Variants in MATN4 observed in about 807,000 individuals in gnomAD.
The protein encoded by MATN4 is matrilin-4.
In MATN4, 40 loss-of-function variants were observed where a neutral mutation model predicts 54.6. The ratio of observed to expected loss-of-function variants is 0.73; its 90% CI spans 0.57 to 0.95. The LOEUF (loss-of-function observed/expected upper bound fraction) is 0.95, where lower values mean the gene tolerates loss of function less well. MATN4 is among the 40% of genes least tolerant of loss of function. The pLI, the probability that MATN4 is intolerant of heterozygous loss-of-function variation, is 0.00. For missense variants in MATN4, 810 were observed against 819.1 expected (o/e 0.99, Z 0.13); for synonymous variants, 351 against 345.3 (o/e 1.02, Z -0.18).
chr20:45,306,561 G>A (rs1329625258), intron 1 of MATN4, among the ~76,000 whole-genome samples: 1 of 152,218 alleles, frequency 6.6e-6, no homozygotes, highest in Admixed American at 6.5e-5. Context: ...CTGCCCAACC[G>A]CAGGCGGCAG....
rs1265297849 is a variant in MATN4 at position 45,298,425 on chromosome 20, T to G, written c.1171A>C (p.Ser391Arg). Residue 391 changes from serine to arginine, a missense_variant, in exon 7 of 10, where the codon AGC (serine) becomes CGC (arginine). Coordinates refer to ENST00000372756, the MANE Select transcript of MATN4 (RefSeq NM_001393530.1). This position sits in a 1 kb window ranked among gnomAD's most constrained non-coding sequence, Gnocchi z 4.6. ...AGAGGGAACTCGGTGCGCACGCGGC[T>G]CGAGAACTGCACCAGCCCCACCCGC... The part of the protein sequence containing the change: ...GTRVGLVQFS[S>R]RVRTEFPLGR... 1 of 1,613,300 alleles carries G rather than the reference T, an allele frequency of 6.2e-7. No homozygotes were observed. The highest frequency in any genetic ancestry group is 1.7e-5 in the Admixed American group (1 of 60,008).
In MATN4 at chr20:45,303,082, CAAAAAAAAAA is replaced by C. The variant is rs79635257; in HGVS notation, c.643+1136_643+1145del. ...TGGGCAATAGAGCCAGACTCTGTCT[CAAAAAAAAAA>C]AAAAAAAAAAAAGAGAGAGAGAAAA... On this transcript the variant is annotated intron_variant, in intron 3 of 9. Transcript: ENST00000372756. Among the ~76,000 whole-genome samples, 8 of 82,928 alleles carry C rather than the reference CAAAAAAAAAA, an allele frequency of 9.6e-5. No homozygotes were observed. In the South Asian group the frequency reaches 2.2e-3, roughly 23 times the overall value. The allele number at this position is 82,928 out of a possible 152,430, so 54.4% of individuals were successfully genotyped here.
chr20:45,300,435 A>T (rs1986149934), intron 6 of MATN4, among the ~76,000 whole-genome samples: 1 of 152,210 alleles, frequency 6.6e-6, no homozygotes, highest in Admixed American at 6.5e-5. Flanking sequence ...ACATCATGAG[A>T]CATTTCACAC....
chr20:45,304,472 C>A lies in MATN4; in HGVS notation c.399G>T (p.Pro133=), dbSNP rs1213455579. The change falls in exon 3 of 10, where the codon CCG becomes CCT. Residue 133 remains proline (P), a synonymous_variant. Coordinates refer to ENST00000372756, the MANE Select transcript of MATN4 (RefSeq NM_001393530.1). ...VAFSVAEGAR[P]PEERVPRVAV... is the part of the protein sequence containing the mutation. Reference sequence around the variant, plus strand: ...CGACACGCGGCACGCGCTCCTCTGGCGGTCGCGCGCCCTCGGCCACACTGA... The same window carrying A: ...CGACACGCGGCACGCGCTCCTCTGGAGGTCGCGCGCCCTCGGCCACACTGA... 1.3e-6 allele frequency: 2 copies of A among 1,567,216 alleles called. No homozygotes were observed. Among genetic ancestry groups the A allele is most frequent in the African/African-American group, 1.3e-5 (1 of 74,122 alleles).
chr20:45,297,542 C>T (rs758308189), intron 8 of MATN4, among the ~76,000 whole-genome samples: 1 of 152,132 alleles, frequency 6.6e-6, no homozygotes, highest in Non-Finnish European at 1.5e-5. Flanking sequence ...TGCTGTGGCT[C>T]CACTTACAAA....
chr20:45,293,696 G>A lies in MATN4; in HGVS notation c.*71C>T. On this transcript the variant is annotated 3_prime_UTR_variant, in exon 10 of 10. Transcript: ENST00000372756. ...GGCCCAGGTTCTGCCTGGCCCCGGC[G>A]CACCGATGGCGCGCAAGGGGCACCG... 4 of 1,409,670 alleles carry A rather than the reference G, an allele frequency of 2.8e-6. No homozygotes were observed. The highest frequency in any genetic ancestry group is 2.7e-5 in the South Asian group (2 of 75,216). 87.3% of individuals were successfully genotyped at this position (1,409,670 alleles called of 1,614,324 possible). A position where few individuals can be genotyped will look rare whatever the true frequency, so the allele number is the denominator to read the frequency against.
intron 8 of MATN4, among the ~76,000 whole-genome samples, chr20:45,297,374 T>C (rs1370358198): frequency 6.6e-6 from 1 of 152,078 alleles, no homozygotes; most frequent in African/African-American, 2.4e-5. Context: ...AGTCTCTTTT[T>C]CCTCAGCTGA....
Position 45,305,805 on chromosome 20 carries a change from C to CTTTTTTTTTTTTTTTTTTTTTTTTTT in MATN4, c.-34-190_-34-189insAAAAAAAAAAAAAAAAAAAAAAAAAA, listed in dbSNP as rs758735302. 3.6e-3 allele frequency among the ~76,000 whole-genome samples: 233 copies of CTTTTTTTTTTTTTTTTTTTTTTTTTT among 64,680 alleles called. 89 individuals are homozygous for CTTTTTTTTTTTTTTTTTTTTTTTTTT. Among genetic ancestry groups the CTTTTTTTTTTTTTTTTTTTTTTTTTT allele is most frequent in the East Asian group, 0.034 (37 of 1,088 alleles). 42.4% of individuals were successfully genotyped at this position (64,680 alleles called of 152,430 possible). Reference sequence around the variant, plus strand: ...GGATTGCTGGGAAACACAAGAGATTCTTTTTTTTTTTTTTTTTAGATAGAG... The same window carrying CTTTTTTTTTTTTTTTTTTTTTTTTTT: ...GGATTGCTGGGAAACACAAGAGATTCTTTTTTTTTTTTTTTTTTTTTTTTTTTTTTTTTTTTTTTTTTTAGATAGAG... On this transcript the variant is annotated intron_variant, in intron 1 of 9. Transcript: ENST00000372756.
rs913195537 is a variant in MATN4 at position 45,297,578 on chromosome 20, A to T, written c.1579+340T>A. On this transcript the variant is annotated intron_variant, in intron 8 of 9. Transcript: ENST00000372756. ...TGCTGTCTGGTGTGCCTTCAAAAAA[A>T]TTTCCCAAATTATTCTGAACCTCCA... is the stretch of plus-strand genomic sequence containing the variant. Among the ~76,000 whole-genome samples, 12 of 152,194 alleles carry T rather than the reference A, an allele frequency of 7.9e-5. 1 individual carries two copies. The South Asian group carries it at 2.1e-3, about 26-fold the overall frequency.
At chr20:45,299,071 TAA>T (rs1339837302) in intron 6 of MATN4, among the ~76,000 whole-genome samples, 1 of 152,128 alleles carries the variant, frequency 6.6e-6, no homozygotes, top group Non-Finnish European at 1.5e-5. Context: ...TTCTGATGGA[TAA>T]AGTGATTGCC....
At position 45,298,768 on chromosome 20, in the gene MATN4, C is replaced by T. The variant is rs1225513292; in HGVS notation, c.1013-185G>A. Among the ~76,000 whole-genome samples, 1 of 152,200 alleles carries T rather than the reference C, an allele frequency of 6.6e-6. No homozygotes were observed. The highest frequency in any genetic ancestry group is 1.5e-5 in the Non-Finnish European group (1 of 68,040). On this transcript the variant is annotated intron_variant, in intron 6 of 9. Transcript: ENST00000372756. The surrounding 1 kb of genome is among the most constrained non-coding windows in gnomAD (Gnocchi z 4.6). Reference sequence around the variant, plus strand: ...CCATCATCATCACCATCACCATCATCATCACCCTCATCATCGCCCTTGACA... The same window carrying T: ...CCATCATCATCACCATCACCATCATTATCACCCTCATCATCGCCCTTGACA...
chr20:45,301,164 C>T lies in MATN4; in HGVS notation c.827G>A (p.Gly276Asp), dbSNP rs770649505. ...CTCTCTGCAGTGGCACCGTGGCCCACCAGGGGTGCTAACACACTCATGCTG... is the reference window on the plus strand; with the variant it reads ...CTCTCTGCAGTGGCACCGTGGCCCATCAGGGGTGCTAACACACTCATGCTG... The part of the protein sequence containing the change: ...SCQHECVSTP[G>D]GPRCHCREGH... The change falls in exon 5 of 10, where the codon GGT (glycine) becomes GAT (aspartate). Residue 276 changes from glycine to aspartate, a missense_variant. By Grantham distance (94) the Gly-to-Asp change is moderately conservative (BLOSUM62 -1). Transcript: ENST00000372756. 2.5e-6 allele frequency: 4 copies of T among 1,614,224 alleles called. No individual in the cohort carries two copies. The highest frequency in any genetic ancestry group is 3.4e-6 in the Non-Finnish European group (4 of 1,180,038).
rs1235306946 is a variant in MATN4, at chr20:45,304,573, C to T, written c.298G>A (p.Ala100Thr). The T allele has an allele frequency of 3.1e-6, 5 of 1,598,422 alleles. No homozygotes were observed. In the South Asian group the frequency reaches 3.3e-5, roughly 11 times the overall value. Residue 100 changes from alanine to threonine, a missense_variant, in exon 3 of 10, where the codon GCC becomes ACC. Physicochemically the swap from Ala to Thr is moderately conservative, Grantham distance 58 (BLOSUM62 0). Transcript: ENST00000372756. ...GCCAGAGGCACCAGGTCGCGGATGG[C>T]GCGCTCCATGTCCTCGCGGCGAGAG... Reference protein sequence around the residue: ...AFSRREDMERAIRDLVPLAQG... With the variant: ...AFSRREDMERTIRDLVPLAQG...
rs577157572 is a variant in MATN4 at position 45,306,791 on chromosome 20, T to C, written c.-34-1175A>G. 1.3e-4 allele frequency: 91 copies of C among 681,506 alleles called. No homozygotes were observed. In the African/African-American group the frequency reaches 1.5e-3, roughly 11 times the overall value. The allele number at this position is 681,506 out of a possible 1,614,324, so 42.2% of individuals were successfully genotyped here. ...AACAGGGGGCCGGGGCCCGGGGCCT[T>C]GGAGATAAGGCCTGGACAGGATATA... is the stretch of plus-strand genomic sequence containing the variant. On this transcript the variant is annotated intron_variant, in intron 1 of 9. Coordinates refer to ENST00000372756, the MANE Select transcript of MATN4 (RefSeq NM_001393530.1).
chr20:45,298,572 C>A lies in MATN4; in HGVS notation c.1024G>T (p.Gly342Cys), dbSNP rs1482455435. 1.3e-6 allele frequency: 2 copies of A among 1,553,312 alleles called. No homozygotes were observed. Among genetic ancestry groups the A allele is most frequent in the East Asian group, 2.3e-5 (1 of 43,990 alleles). Residue 342 changes from glycine (G) to cysteine (C), a missense_variant, in exon 7 of 10, where the codon GGC (glycine) becomes TGC (cysteine). Transcript: ENST00000372756. The surrounding 1 kb of genome is among the most constrained non-coding windows in gnomAD (Gnocchi z 4.6). ...DGKSCNRCRE[G>C]HVDLVLLVDG... ...ACCAGCAGAACAAGGTCCACGTGGCCTTCCCGGCACCCTGCACAGCCAGAA... is the reference window on the plus strand; with the variant it reads ...ACCAGCAGAACAAGGTCCACGTGGCATTCCCGGCACCCTGCACAGCCAGAA...
intron 6 of MATN4, among the ~76,000 whole-genome samples, chr20:45,299,270 A>G (rs1394960992): frequency 6.6e-6 from 1 of 152,124 alleles, no homozygotes; most frequent in African/African-American, 2.4e-5. Context: ...TAATTAAAAC[A>G]TAATCCTGTT....
At position 45,293,520 on chromosome 20, in the gene MATN4, C is replaced by A; in HGVS notation, c.*247G>T. The stretch of plus-strand genomic sequence containing the variant: ...CCAACAAAGAACTGAGCGCAGCACG[C>A]GGCGAGGGCGTGCCGGTCTAGCACG... On this transcript the variant is annotated 3_prime_UTR_variant, in exon 10 of 10. Transcript: ENST00000372756. The A allele has an allele frequency of 2.1e-6, 1 of 467,484 alleles. No individual in the cohort carries two copies. Among genetic ancestry groups the A allele is most frequent in the South Asian group, 4.1e-5 (1 of 24,234 alleles). The allele number at this position is 467,484 out of a possible 1,614,324, so 29.0% of individuals were successfully genotyped here.
chr20:45,296,510 T>A lies in MATN4; in HGVS notation c.1579+1408A>T, dbSNP rs115801035. Among the ~76,000 whole-genome samples, 492 of 152,210 alleles carry A rather than the reference T, an allele frequency of 3.2e-3. 2 individuals carry two copies. Among genetic ancestry groups the A allele is most frequent in the African/African-American group, 0.011 (475 of 41,532 alleles). ...AGACAGGGAACAGTCATACCACCAA[T>A]TGATAAAGAGCTTCAACCACAAAAC... is the stretch of plus-strand genomic sequence containing the variant. On this transcript the variant is annotated intron_variant, in intron 8 of 9. Transcript: ENST00000372756.
chr20:45,297,874 C>T (rs569726567), intron 8 of MATN4, 44 bp downstream of exon 8: 1 of 1,607,242 alleles, frequency 6.2e-7, no homozygotes, highest in South Asian at 1.1e-5. Flanking sequence ...TATCAGAGGA[C>T]GGGCAATGAG....
Sources: gnomAD v4.1 joint callset for allele counts (sites outside exome capture counted in the v4.1 genomes callset) on GRCh38, gnomAD v4.1.1 for gene constraint, Gnocchi (gnomAD v3.1) non-coding constraint, MANE v1.5 for transcripts, NCBI Gene and HGNC (gene_info 2026-07-23, HGNC 2026-07-21) for gene names.